Variants in MGAT4C observed in about 807,000 individuals in gnomAD.
The protein encoded by MGAT4C is MGAT4 family member C, also known as alpha-1,3-mannosyl-glycoprotein 4-beta-N-acetylglucosaminyltransferase C.
A neutral mutation model predicts 40.1 loss-of-function variants in MGAT4C; 19 were observed. That is an observed-to-expected ratio of 0.47 (90% CI 0.33 to 0.70). The LOEUF (loss-of-function observed/expected upper bound fraction) is 0.70, where lower values mean the gene tolerates loss of function less well. Ranked by LOEUF, MGAT4C falls within the 30% of genes least tolerant of loss-of-function variation. MGAT4C has a pLI of 0.02. For missense variants in MGAT4C, 491 were observed against 563.2 expected, an observed-to-expected ratio of 0.87 and a Z score of 1.30; for synonymous variants, 181 against 187.1, an observed-to-expected ratio of 0.97 and a Z score of 0.27.
rs1410465411 is a variant in MGAT4C at position 86,766,849 on chromosome 12, C to T, written c.-261-39608G>A. ...AACAAAGACACAACATACCAGAATC[C>T]CTGGGACACATTCAAAGCAGTGTGT... On this transcript the variant is annotated intron_variant, in intron 1 of 7. Transcript: ENST00000548651. Among the ~76,000 whole-genome samples, 7 of 149,538 alleles carry T rather than the reference C, an allele frequency of 4.7e-5. No homozygotes were observed. In the East Asian group the frequency reaches 9.8e-4, roughly 21 times the overall value.
intron 2 of MGAT4C, among the ~76,000 whole-genome samples, chr12:86,702,804 T>C (rs535472853): frequency 6.6e-6 from 1 of 152,324 alleles, no homozygotes; most frequent in South Asian, 2.1e-4. Flanking sequence ...TGCAGCCCAT[T>C]GATCAAGACT....
intron 3 of MGAT4C, among the ~76,000 whole-genome samples, chr12:86,335,202 T>C (rs1412248373): frequency 6.6e-6 from 1 of 152,052 alleles, no homozygotes; most frequent in East Asian, 1.9e-4. Flanking sequence ...GAACTATATA[T>C]AGGTTTCTTT....
chr12:86,501,283 T>C (rs1958335640), intron 2 of MGAT4C, among the ~76,000 whole-genome samples: 1 of 152,132 alleles, frequency 6.6e-6, no homozygotes, highest in Non-Finnish European at 1.5e-5. Flanking sequence ...ACATTGGAAT[T>C]TTAAAAATTA....
At chr12:86,114,483 T>C (rs1878033176) in intron 1 of MGAT4C, among the ~76,000 whole-genome samples, 1 of 151,908 alleles carries the variant, frequency 6.6e-6, no homozygotes, top group Admixed American at 6.6e-5. Context: ...AACAAGGCCA[T>C]GATACAATCT....
At position 86,066,599 on chromosome 12, in the gene MGAT4C, A is replaced by C. The variant is rs112373776; in HGVS notation, c.-56-16876T>G. Reference sequence around the variant, plus strand: ...ATACGTATATGTATGACCTAAAACCATAAAAACCCTAGAAGAAAACCTAGG... The same window carrying C: ...ATACGTATATGTATGACCTAAAACCCTAAAAACCCTAGAAGAAAACCTAGG... On this transcript the variant is annotated intron_variant, in intron 1 of 4. Coordinates refer to ENST00000611864, the MANE Select transcript of MGAT4C (RefSeq NM_001351288.2). 3.6e-3 allele frequency among the ~76,000 whole-genome samples: 542 copies of C among 152,320 alleles called. 3 individuals carry two copies. Among genetic ancestry groups the C allele is most frequent in the African/African-American group, 0.013 (520 of 41,568 alleles).
chr12:86,105,457 C>T (rs1215406691), intron 1 of MGAT4C, among the ~76,000 whole-genome samples: 1 of 152,048 alleles, frequency 6.6e-6, no homozygotes. Context: ...TTATCAAAAA[C>T]AATAAATTAA....
At chr12:86,196,295 A>C (rs1169128152) in intron 1 of MGAT4C, among the ~76,000 whole-genome samples, 2 of 152,210 alleles carry the variant, frequency 1.3e-5, no homozygotes, top group African/African-American at 4.8e-5. Flanking sequence ...TTAGATATTA[A>C]GGCTCACGCA....
chr12:86,282,947 G>C (rs1412185427), intron 4 of MGAT4C, among the ~76,000 whole-genome samples: 3 of 151,976 alleles, frequency 2.0e-5, no homozygotes, highest in Non-Finnish European at 4.4e-5. Flanking sequence ...TGAAACTTTA[G>C]ATCAAAGCTA....
intron 2 of MGAT4C, among the ~76,000 whole-genome samples, chr12:86,482,067 TACACACACACACACAC>T (rs10526768): frequency 6.3e-5 from 9 of 143,110 alleles, no homozygotes; most frequent in Non-Finnish European, 1.4e-4. Context: ...AACATGTCAC[TACACACACACACACAC>T]ACACACACAC....
intron 1 of MGAT4C, among the ~76,000 whole-genome samples, chr12:86,780,789 C>A (rs1410815494): frequency 1.3e-5 from 2 of 152,148 alleles, no homozygotes; most frequent in Non-Finnish European, 2.9e-5. Flanking sequence ...TACATAATTT[C>A]TCATCCCTCA....
At chr12:86,399,148 T>A (rs953357876) in intron 3 of MGAT4C, among the ~76,000 whole-genome samples, 9 of 150,922 alleles carry the variant, frequency 6.0e-5, no homozygotes, top group African/African-American at 2.2e-4. Flanking sequence ...TTTTTTGTAT[T>A]TTTAGTAGAG....
At chr12:86,711,233 A>G (rs1271440577) in intron 2 of MGAT4C, among the ~76,000 whole-genome samples, 6 of 152,134 alleles carry the variant, frequency 3.9e-5, no homozygotes, top group Non-Finnish European at 5.9e-5. Context: ...TATTGACTCA[A>G]TGTAGGAAGA....
At chr12:86,049,635 G>A (rs1017846044) in intron 2 of MGAT4C, 39 bp downstream of exon 2, 2 of 944,886 alleles carry the variant, frequency 2.1e-6, no homozygotes, top group Admixed American at 1.2e-4. Context: ...AAAAAGTGTA[G>A]TACCTTAGAA....
At chr12:86,657,251 T>C (rs1209495417) in intron 2 of MGAT4C, among the ~76,000 whole-genome samples, 1 of 151,834 alleles carries the variant, frequency 6.6e-6, no homozygotes, top group East Asian at 1.9e-4. Flanking sequence ...AAGCTTTGAG[T>C]GAAAACAATG....
chr12:86,422,570 T>G (rs1252209247), intron 3 of MGAT4C, among the ~76,000 whole-genome samples: 3 of 152,180 alleles, frequency 2.0e-5, no homozygotes, highest in African/African-American at 7.2e-5. Flanking sequence ...ACATGCAACT[T>G]CTGTGTCAAA....
chr12:86,193,837 T>A (rs956081804), intron 1 of MGAT4C, among the ~76,000 whole-genome samples: 24 of 152,300 alleles, frequency 1.6e-4, no homozygotes, highest in African/African-American at 5.5e-4. Context: ...ATATTCTGCT[T>A]TAGGTACATA....
intron 1 of MGAT4C, among the ~76,000 whole-genome samples, chr12:86,204,340 A>G (rs1438498827): frequency 6.6e-6 from 1 of 152,094 alleles, no homozygotes; most frequent in Non-Finnish European, 1.5e-5. Flanking sequence ...TTCTCGTTGT[A>G]TATTTTGGAG....
chr12:85,970,807 A>G lies in MGAT4C; in HGVS notation c.*8482T>C, dbSNP rs1883587254. The stretch of plus-strand genomic sequence containing the variant: ...CAAGATAATAAATTCACTAATGTGA[A>G]ATGTTGATATAGTATGTACAACTTG... On this transcript the variant is annotated 3_prime_UTR_variant, in exon 5 of 5. Transcript: ENST00000611864. 1 of 151,306 alleles carries G rather than the reference A, an allele frequency of 6.6e-6. No homozygotes were observed. Among genetic ancestry groups the G allele is most frequent in the Non-Finnish European group, 1.5e-5 (1 of 67,386 alleles). 9.4% of individuals were successfully genotyped at this position (151,306 alleles called of 1,614,324 possible). A position where few individuals can be genotyped will look rare whatever the true frequency, so the allele number is the denominator to read the frequency against.
chr12:86,122,448 T>C (rs1255286153), intron 1 of MGAT4C, among the ~76,000 whole-genome samples: 1 of 152,190 alleles, frequency 6.6e-6, no homozygotes, highest in Non-Finnish European at 1.5e-5. Context: ...TAATTACAGC[T>C]ATGCAAAAAG....
Sources: allele counts gnomAD v4.1 joint callset (sites outside exome capture counted in the v4.1 genomes callset), GRCh38; gene constraint gnomAD v4.1.1; transcripts MANE v1.5; gene names NCBI Gene and HGNC (gene_info 2026-07-23, HGNC 2026-07-21).